FDX2: variants seen among roughly 807,000 people sequenced by gnomAD.
FDX2 encodes the protein ferredoxin 2.
Under a neutral mutation model 18.5 loss-of-function variants are expected in FDX2, and 13 were observed. That is an observed-to-expected ratio of 0.70 (90% CI 0.46 to 1.12). FDX2 has a LOEUF of 1.12. Among genes scored for constraint, FDX2 ranks in the 50% most tolerant of loss-of-function variants. The pLI is 0.00. For synonymous variants in FDX2, 132 were observed against 106.2 expected (o/e 1.24, Z -1.49); for missense variants, 238 against 250.4 (o/e 0.95, Z 0.34).
intron 3 of FDX2, among the ~76,000 whole-genome samples, chr19:10,311,344 G>A (rs1177554535): frequency 6.6e-6 from 1 of 152,128 alleles, no homozygotes; most frequent in Non-Finnish European, 1.5e-5. Flanking sequence ...CTTGGAGGAT[G>A]GACCGGCTGA....
In FDX2 at chr19:10,310,424, T is replaced by G. The variant is rs2040310660; in HGVS notation, c.*62A>C. Reference sequence around the variant, plus strand: ...CCGCACTCTGGGCAGGGCTGGCACCTGGCTATTCCCTCAATCTGGGCCCTG... The same window carrying G: ...CCGCACTCTGGGCAGGGCTGGCACCGGGCTATTCCCTCAATCTGGGCCCTG... On this transcript the variant is annotated 3_prime_UTR_variant, in exon 5 of 5. Coordinates refer to ENST00000393708, the MANE Select transcript of FDX2 (RefSeq NM_001031734.4). 1 of 1,608,364 alleles carries G rather than the reference T, an allele frequency of 6.2e-7. No homozygotes were observed. The highest frequency in any genetic ancestry group is 8.5e-7 in the Non-Finnish European group (1 of 1,175,944).
chr19:10,315,339 G>A (rs559062241), intron 3 of FDX2, 47 bp downstream of exon 3: 6 of 321,356 alleles, frequency 1.9e-5, no homozygotes, highest in East Asian at 1.5e-4. Flanking sequence ...TTTTTTTTTT[G>A]GACAAATGTA....
At position 10,315,734 on chromosome 19, in the gene FDX2, GTCC is replaced by G. The variant is rs757795455; in HGVS notation, c.177_179del (p.Glu59del). The stretch of plus-strand genomic sequence containing the variant: ...CCCCGGGCCGCTCCGGGCCGCCCGC[GTCC>G]TCCTCTCCAGCCGGGCGCGAGCCTG... On this transcript the variant is annotated inframe_deletion, in exon 2 of 5. Coordinates refer to ENST00000393708, the MANE Select transcript of FDX2 (RefSeq NM_001031734.4). The G allele has an allele frequency of 1.3e-5, 20 of 1,566,954 alleles. No homozygotes were observed. In the African/African-American group the frequency reaches 2.0e-4, roughly 16 times the overall value.
chr19:10,315,629 T>C, intron 2 of FDX2, 76 bp downstream of exon 2: 1 of 1,526,552 alleles, frequency 6.6e-7, no homozygotes, highest in Non-Finnish European at 8.9e-7. Flanking sequence ...GACCTCGAGA[T>C]GAAGCTACAG....
At chr19:10,311,696 G>A (rs1003520128) in intron 3 of FDX2, among the ~76,000 whole-genome samples, 42 of 146,856 alleles carry the variant, frequency 2.9e-4, no homozygotes, top group African/African-American at 9.8e-4. Context: ...CACTGCACCC[G>A]GCCAGGATTT....
chr19:10,311,046 G>T, intron 3 of FDX2, 106 bp from the exon 4 acceptor site: 1 of 750,520 alleles, frequency 1.3e-6, no homozygotes. Flanking sequence ...CGTGCCTCAC[G>T]TCTCCCTCCT....
rs373162679 is a variant in FDX2, at chr19:10,315,984, T to C, written c.22A>G (p.Met8Val). The C allele has an allele frequency of 3.8e-5, 61 of 1,604,364 alleles. No individual in the cohort carries two copies. Among genetic ancestry groups the C allele is most frequent in the East Asian group, 8.9e-5 (4 of 44,740 alleles). The change falls in exon 1 of 5, where the codon ATG (methionine) becomes GTG (valine). Residue 8 changes from methionine to valine, a missense_variant. Transcript: ENST00000393708. ...CTGGCACTCACGCCTCCCCGGGCCA[T>C]GGAGGCGGCCATGACATGCATCACG...
chr19:10,313,328 G>A (rs2040342289), intron 3 of FDX2, among the ~76,000 whole-genome samples: 1 of 152,022 alleles, frequency 6.6e-6, no homozygotes, highest in Non-Finnish European at 1.5e-5. Context: ...TTTTCTTCCA[G>A]ACAACCCTTC....
chr19:10,311,866 ATTTTTT>A (rs34531286), intron 3 of FDX2, among the ~76,000 whole-genome samples: 3 of 97,274 alleles, frequency 3.1e-5, no homozygotes, highest in African/African-American at 4.3e-5. Context: ...CACCTGGCTA[ATTTTTT>A]TTTTTTTTTT....
intron 3 of FDX2, 162 bp downstream of exon 3, chr19:10,315,224 A>G (rs2040366614): frequency 1.0e-5 from 6 of 599,748 alleles, no homozygotes; most frequent in Non-Finnish European, 1.8e-5. Flanking sequence ...CTTAACAAAT[A>G]AGAGCTTGGC....
At position 10,310,447 on chromosome 19, in the gene FDX2, C is replaced by G. The variant is rs781617733; in HGVS notation, c.*39G>C. ...CCTGGCTATTCCCTCAATCTGGGCC[C>G]TGGGGCCATGGCAATGTGGAATGGT... is the stretch of plus-strand genomic sequence containing the variant. On this transcript the variant is annotated 3_prime_UTR_variant, in exon 5 of 5. Coordinates refer to ENST00000393708, the MANE Select transcript of FDX2 (RefSeq NM_001031734.4). 1.2e-6 allele frequency: 2 copies of G among 1,613,370 alleles called. No homozygotes were observed. Among genetic ancestry groups the G allele is most frequent in the Non-Finnish European group, 8.5e-7 (1 of 1,179,440 alleles).
At chr19:10,311,230 G>A (rs1181447443) in intron 3 of FDX2, among the ~76,000 whole-genome samples, 1 of 152,132 alleles carries the variant, frequency 6.6e-6, no homozygotes, top group African/African-American at 2.4e-5. Flanking sequence ...TTGGCTGCCA[G>A]GTAGCTGAGA....
chr19:10,315,277 T>G, intron 3 of FDX2, 109 bp downstream of exon 3: 1 of 861,560 alleles, frequency 1.2e-6, no homozygotes, highest in Non-Finnish European at 1.8e-6. Context: ...TTAGTCCATA[T>G]TTGGTGGGAA....
intron 3 of FDX2, among the ~76,000 whole-genome samples, chr19:10,314,095 T>G (rs1292922172): frequency 4.0e-5 from 6 of 151,844 alleles, no homozygotes; most frequent in Non-Finnish European, 8.8e-5. Context: ...GTGATTCTTG[T>G]GCCTCAGCCT....
intron 3 of FDX2, among the ~76,000 whole-genome samples, chr19:10,311,500 C>A (rs2040324315): frequency 6.6e-6 from 1 of 151,054 alleles, no homozygotes; most frequent in African/African-American, 2.4e-5. Context: ...CGGGTTCACG[C>A]CATTCTCCTG....
intron 3 of FDX2, 143 bp downstream of exon 3, chr19:10,315,243 A>G: frequency 1.6e-6 from 1 of 628,772 alleles, no homozygotes; most frequent in Non-Finnish European, 2.7e-6. Context: ...GCAACAGATG[A>G]GGCCATGGTG....
intron 3 of FDX2, among the ~76,000 whole-genome samples, chr19:10,311,404 T>G (rs1486630808): frequency 3.3e-5 from 5 of 151,234 alleles, no homozygotes; most frequent in South Asian, 2.1e-4. Flanking sequence ...GGATTTTGTT[T>G]TTTTTTTTTT....
Position 10,310,860 on chromosome 19 carries a change from C to G in FDX2, c.397G>C (p.Glu133Gln). Residue 133 changes from glutamate to glutamine, a missense_variant, in exon 4 of 5, where the codon GAG becomes CAG. By Grantham distance (29) the Glu-to-Gln change is conservative (BLOSUM62 2). Transcript: ENST00000393708. ...CAGGGCTGACCCACTCACCTCTCCT[C>G]GGGAGGAGGCAGGAGATCCAGGTGG... The G allele has an allele frequency of 1.2e-6, 2 of 1,613,648 alleles. No homozygotes were observed. The highest frequency in any genetic ancestry group is 8.5e-7 in the Non-Finnish European group (1 of 1,179,858).
rs530430495 is a variant in FDX2, at chr19:10,315,833, C to T, written c.154+19G>A. 57 of 1,597,386 alleles carry T rather than the reference C, an allele frequency of 3.6e-5. No individual in the cohort carries two copies. The East Asian group carries it at 6.0e-4, about 17-fold the overall frequency. ...GCATCTGACGGATTAACGCTGCCCG[C>T]CCCGGGCGCCCCAGGTACCTGTCGC... On this transcript the variant is annotated intron_variant, in intron 1 of 4. Coordinates refer to ENST00000393708, the MANE Select transcript of FDX2 (RefSeq NM_001031734.4).
Sources: allele counts gnomAD v4.1 joint callset (sites outside exome capture counted in the v4.1 genomes callset), GRCh38; gene constraint gnomAD v4.1.1; transcripts MANE v1.5; gene names NCBI Gene and HGNC (gene_info 2026-07-23, HGNC 2026-07-21).